The following ORC2 variants were observed in gnomAD, a reference collection of about 807,000 sequenced individuals.
ORC2 encodes origin recognition complex subunit 2, also known as origin recognition complex protein 2 homolog.
Under a neutral mutation model 77.7 loss-of-function variants are expected in ORC2, and 37 were observed. The ratio of observed to expected loss-of-function variants is 0.48; its 90% confidence interval spans 0.37 to 0.63. The LOEUF is 0.63. Ranked by LOEUF, ORC2 falls within the 20% of genes least tolerant of loss-of-function variation. The pLI, the probability that ORC2 is intolerant of heterozygous loss-of-function variation, is 0.00. For missense variants in ORC2, 557 were observed against 661.9 expected (o/e 0.84, Z 1.74); for synonymous variants, 201 against 229.5 (o/e 0.88, Z 1.12).
At chr2:200,961,487 A>G (rs1234445419) in intron 1 of ORC2, among the ~76,000 whole-genome samples, 3 of 152,118 alleles carry the variant, frequency 2.0e-5, no homozygotes, top group Non-Finnish European at 4.4e-5. Flanking sequence ...AACCATTCAT[A>G]ATAGGTCTAA....
At chr2:200,929,662 T>A (rs1223609081) in intron 11 of ORC2, among the ~76,000 whole-genome samples, 12 of 151,990 alleles carry the variant, frequency 7.9e-5, no homozygotes, top group Non-Finnish European at 7.4e-5. Context: ...CCAGGCATGG[T>A]GGCACACATC....
intron 15 of ORC2, among the ~76,000 whole-genome samples, chr2:200,916,417 G>A (rs1285835577): frequency 1.3e-5 from 2 of 151,882 alleles, no homozygotes; most frequent in African/African-American, 4.8e-5. Context: ...CCCCAGAGAG[G>A]GAGGTTGCAG....
chr2:200,911,103 G>A lies in ORC2; in HGVS notation c.*198C>T. ...GAAAGGCACATTTTCTCCAACTTGA[G>A]GACCGCTGCATAGTACTAGACGGTA... is the stretch of plus-strand genomic sequence containing the variant. On this transcript the variant is annotated 3_prime_UTR_variant, in exon 18 of 18. Transcript: ENST00000234296. The A allele has an allele frequency of 2.2e-6, 1 of 445,926 alleles. No individual in the cohort carries two copies. The highest frequency in any genetic ancestry group is 4.0e-6 in the Non-Finnish European group (1 of 247,476). 27.6% of individuals were successfully genotyped at this position (445,926 alleles called of 1,614,324 possible). A position where few individuals can be genotyped will look rare whatever the true frequency, so the allele number is the denominator to read the frequency against.
At chr2:200,962,237 C>G (rs1224021185) in intron 1 of ORC2, among the ~76,000 whole-genome samples, 2 of 152,238 alleles carry the variant, frequency 1.3e-5, no homozygotes, top group Non-Finnish European at 2.9e-5. Flanking sequence ...TATTTAGTGA[C>G]CATTATGACC....
intron 4 of ORC2, among the ~76,000 whole-genome samples, chr2:200,952,193 T>C (rs879581874): frequency 2.0e-5 from 3 of 151,914 alleles, no homozygotes; most frequent in East Asian, 3.8e-4. Context: ...GTTACTGCAA[T>C]GATAGAACTA....
At chr2:200,956,718 G>A (rs2041472193) in intron 4 of ORC2, among the ~76,000 whole-genome samples, 1 of 152,066 alleles carries the variant, frequency 6.6e-6, no homozygotes, top group Non-Finnish European at 1.5e-5. Flanking sequence ...GCTACAATGA[G>A]CTATGATTGT....
chr2:200,955,609 A>G (rs902836062), intron 4 of ORC2, among the ~76,000 whole-genome samples: 25 of 152,240 alleles, frequency 1.6e-4, no homozygotes, highest in Admixed American at 1.6e-3. Context: ...GACATTTATA[A>G]GTATGTGAGA....
At chr2:200,924,696 G>A (rs1026966915) in intron 13 of ORC2, among the ~76,000 whole-genome samples, 3 of 152,036 alleles carry the variant, frequency 2.0e-5, no homozygotes, top group South Asian at 2.1e-4. Context: ...AGAATCAAGA[G>A]ATCTTAGTAT....
At chr2:200,948,712 G>C (rs1461946456) in intron 5 of ORC2, among the ~76,000 whole-genome samples, 1 of 151,840 alleles carries the variant, frequency 6.6e-6, no homozygotes, top group African/African-American at 2.4e-5. Context: ...ACAGGCACGT[G>C]CCACCACGCC....
intron 13 of ORC2, among the ~76,000 whole-genome samples, chr2:200,923,940 A>G (rs2040800462): frequency 6.6e-6 from 1 of 152,232 alleles, no homozygotes; most frequent in East Asian, 1.9e-4. Flanking sequence ...AAAAGTACCA[A>G]GAATATTGAT....
At chr2:200,935,147 G>A (rs16835942) in intron 9 of ORC2, among the ~76,000 whole-genome samples, 4,209 of 152,000 alleles carry the variant, frequency 0.028, 105 homozygotes, top group Middle Eastern at 0.089. Context: ...TTTTTGAGAC[G>A]GAGTTTCGTT....
intron 11 of ORC2, among the ~76,000 whole-genome samples, chr2:200,928,822 A>AC (rs1265507621): frequency 2.4e-4 from 37 of 152,000 alleles, no homozygotes; most frequent in African/African-American, 8.4e-4. Context: ...TCAAAAAAAA[A>AC]AACAACAAAA....
chr2:200,943,759 C>A (rs1476520326), intron 5 of ORC2, among the ~76,000 whole-genome samples: 1 of 151,826 alleles, frequency 6.6e-6, no homozygotes, highest in East Asian at 1.9e-4. Context: ...TTGGCTGCTT[C>A]TTCTTCCTTA....
intron 17 of ORC2, among the ~76,000 whole-genome samples, chr2:200,912,768 T>C (rs1237749772): frequency 1.3e-5 from 2 of 152,170 alleles, no homozygotes; most frequent in Non-Finnish European, 2.9e-5. Context: ...CTGATATCTA[T>C]CCATAATTAG....
At chr2:200,927,025 A>C in intron 11 of ORC2, 125 bp from the exon 12 acceptor site, 5 of 979,038 alleles carry the variant, frequency 5.1e-6, no homozygotes, top group Non-Finnish European at 6.0e-6. Context: ...GCACTGGCTC[A>C]AGCCTGTAAT....
At chr2:200,932,852 C>T (rs1300938890) in intron 10 of ORC2, among the ~76,000 whole-genome samples, 1 of 152,158 alleles carries the variant, frequency 6.6e-6, no homozygotes, top group African/African-American at 2.4e-5. Context: ...AAACATGGAG[C>T]AAATCCTAGA....
chr2:200,942,419 A>G (rs1187046817), intron 6 of ORC2, among the ~76,000 whole-genome samples: 1 of 152,208 alleles, frequency 6.6e-6, no homozygotes, highest in African/African-American at 2.4e-5. Flanking sequence ...TAACTCAAGC[A>G]CATGACAACA....
rs1267871097 is a variant in ORC2, at chr2:200,920,309, T to C, written c.1379A>G (p.Tyr460Cys). Residue 460 changes from tyrosine to cysteine, a missense_variant, in exon 15 of 18, where the codon TAT becomes TGT. By Grantham distance (194) the Tyr-to-Cys change is radical (BLOSUM62 -2). Coordinates refer to ENST00000234296, the MANE Select transcript of ORC2 (RefSeq NM_006190.5). ...TYSPYTEETS[Y>C]ENSLLVKQSG... ...CTGCTTTACCAGAAGAGAGTTCTCA[T>C]AGGAGGTTTCTTCAGTATAAGGACT... 21 of 1,613,786 alleles carry C rather than the reference T, an allele frequency of 1.3e-5. No homozygotes were observed. Among genetic ancestry groups the C allele is most frequent in the African/African-American group, 4.0e-5 (3 of 74,924 alleles).
intron 4 of ORC2, among the ~76,000 whole-genome samples, chr2:200,956,424 A>G (rs976403499): frequency 3.9e-5 from 6 of 152,062 alleles, no homozygotes; most frequent in South Asian, 2.1e-4. Flanking sequence ...CAAGCGATCA[A>G]TCTGCTTTGG....
Sources: gnomAD v4.1 joint callset for allele counts (sites outside exome capture counted in the v4.1 genomes callset) on GRCh38, gnomAD v4.1.1 for gene constraint, MANE v1.5 for transcripts, NCBI Gene and HGNC (gene_info 2026-07-23, HGNC 2026-07-21) for gene names.